SERAC1: variants seen among roughly 807,000 people sequenced by gnomAD.
SERAC1 encodes the protein protein SERAC1.
Under a neutral mutation model 85.7 loss-of-function variants are expected in SERAC1, and 36 were observed. That is an observed-to-expected ratio of 0.42 (90% CI 0.32 to 0.55). The LOEUF is 0.55. Among genes scored for constraint, SERAC1 ranks in the 20% least tolerant of loss-of-function variants. The pLI is 0.11. For missense variants in SERAC1, 629 were observed against 796.2 expected (o/e 0.79, Z 2.53); for synonymous variants, 242 against 265.3 (o/e 0.91, Z 0.85).
At chr6:158,124,791 A>C in intron 10 of SERAC1, among the ~76,000 whole-genome samples, 1 of 43,928 alleles carries the variant, frequency 2.3e-5, no homozygotes, top group Admixed American at 1.5e-4. Context: ...ACACACACAT[A>C]CACACTCAAC....
At chr6:158,124,748 A>AAC (rs201023302) in intron 10 of SERAC1, among the ~76,000 whole-genome samples, 3,517 of 131,418 alleles carry the variant, frequency 0.027, 55 homozygotes, top group African/African-American at 0.053. Flanking sequence ...AATGCTGGAA[A>AAC]ACACACACAC....
At chr6:158,133,648 G>A (rs1784731211) in intron 8 of SERAC1, among the ~76,000 whole-genome samples, 1 of 152,106 alleles carries the variant, frequency 6.6e-6, no homozygotes, top group African/African-American at 2.4e-5. Context: ...GCCTCCCAAA[G>A]TGCTGGGATT....
intron 15 of SERAC1, among the ~76,000 whole-genome samples, chr6:158,114,272 A>G (rs1418140463): frequency 6.6e-6 from 1 of 152,246 alleles, no homozygotes; most frequent in Non-Finnish European, 1.5e-5. Context: ...AGAAGAAATC[A>G]AGAGATTCTC....
rs114443105 is a variant in SERAC1 at position 158,146,829 on chromosome 6, G to A, written c.440C>T (p.Thr147Met). 1,336 of 1,613,934 alleles carry A rather than the reference G, an allele frequency of 8.3e-4. 7 individuals carry two copies. The African/African-American group carries it at 0.014, about 17-fold the overall frequency. The change falls in exon 6 of 17, where the codon ACG (threonine) becomes ATG (methionine). Residue 147 changes from threonine to methionine, a missense_variant. Thr to Met is a moderately conservative substitution (Grantham distance 81). Transcript: ENST00000647468. ...LRKSKSDDKTTRLEAVREMSE... is the reference protein window; with the variant it reads ...LRKSKSDDKTMRLEAVREMSE... Reference sequence around the variant, plus strand: ...CATTTCCCGCACAGCCTCGAGTCGCGTGGTTTTGTCATCTGACTTGCTCTT... The same window carrying A: ...CATTTCCCGCACAGCCTCGAGTCGCATGGTTTTGTCATCTGACTTGCTCTT...
chr6:158,116,194 T>C lies in SERAC1; in HGVS notation c.1492A>G (p.Ser498Gly). Reference sequence around the variant, plus strand: ...TTGAAGCCACACTTACCTCCCATGCTATGTGATATCCAAACCACTGGCCTA... The same window carrying C: ...TTGAAGCCACACTTACCTCCCATGCCATGTGATATCCAAACCACTGGCCTA... ...GDRPVVWISH[S>G]MGGLLVKKML... Residue 498 changes from serine (S) to glycine (G), a missense_variant, in exon 14 of 17, where the codon AGC becomes GGC. By Grantham distance (56) the Ser-to-Gly change is moderately conservative. Transcript: ENST00000647468. The C allele has an allele frequency of 6.2e-7, 1 of 1,613,916 alleles. No individual in the cohort carries two copies. Among genetic ancestry groups the C allele is most frequent in the Middle Eastern group, 1.6e-4 (1 of 6,062 alleles).
intron 3 of SERAC1, chr6:158,152,817 T>C (rs1180434201): frequency 1.3e-5 from 2 of 152,216 alleles, no homozygotes; most frequent in Non-Finnish European, 2.9e-5. Context: ...GGCTGTCCCA[T>C]ACAGCCTAGG....
At chr6:158,133,650 G>A (rs1351524142) in intron 8 of SERAC1, among the ~76,000 whole-genome samples, 1 of 152,090 alleles carries the variant, frequency 6.6e-6, no homozygotes, top group Non-Finnish European at 1.5e-5. Flanking sequence ...CTCCCAAAGT[G>A]CTGGGATTAC....
At chr6:158,144,764 C>T (rs1043311942) in intron 6 of SERAC1, among the ~76,000 whole-genome samples, 2 of 152,178 alleles carry the variant, frequency 1.3e-5, no homozygotes, top group African/African-American at 4.8e-5. Flanking sequence ...ACTCAAAACA[C>T]ATGAGGTGGC....
intron 1 of SERAC1, among the ~76,000 whole-genome samples, chr6:158,159,954 A>G (rs542540226): frequency 3.0e-4 from 45 of 152,346 alleles, no homozygotes; most frequent in Non-Finnish European, 6.2e-4. Flanking sequence ...AAAATTGTGA[A>G]GACTTGCTTT....
rs779015488 is a variant in SERAC1 at position 158,119,065 on chromosome 6, C to T, written c.1272G>A (p.Met424Ile). Residue 424 changes from methionine to isoleucine, a missense_variant, in exon 12 of 17, where the codon ATG becomes ATA. Coordinates refer to ENST00000647468, the MANE Select transcript of SERAC1 (RefSeq NM_032861.4). The surrounding 1 kb of genome is among the most constrained non-coding windows in gnomAD (Gnocchi z 4.5). ...ACGTCGTATATCTGTCTTCATCCTC[C>T]ATAGGTTTTTCAATTACAGCCTGCT... ...DSEQAVIEKP[M>I]EDEDRYTTCW... 3 of 1,613,800 alleles carry T rather than the reference C, an allele frequency of 1.9e-6. No individual in the cohort carries two copies. The highest frequency in any genetic ancestry group is 3.3e-5 in the Admixed American group (2 of 59,966).
chr6:158,152,675 T>A (rs552074606), intron 3 of SERAC1: 49 of 152,304 alleles, frequency 3.2e-4, no homozygotes, highest in African/African-American at 1.2e-3. Flanking sequence ...TGTACCATTT[T>A]AAAATTTTAT....
intron 5 of SERAC1, among the ~76,000 whole-genome samples, chr6:158,148,157 T>A (rs1426586763): frequency 6.6e-6 from 1 of 152,220 alleles, no homozygotes; most frequent in Non-Finnish European, 1.5e-5. Flanking sequence ...TCTTCCCACC[T>A]TTTATTTTCA....
chr6:158,129,169 A>C (rs932946110), intron 9 of SERAC1, among the ~76,000 whole-genome samples: 2 of 152,242 alleles, frequency 1.3e-5, no homozygotes, highest in Non-Finnish European at 2.9e-5. Context: ...CTGAAGATGC[A>C]GCTATTGCTT....
At chr6:158,114,418 A>G (rs1025417646) in intron 15 of SERAC1, 1 of 908,424 alleles carries the variant, frequency 1.1e-6, no homozygotes, top group Non-Finnish European at 1.3e-6. Context: ...TTTAAAATTA[A>G]TACTAACAAT....
At chr6:158,147,011 T>A in intron 5 of SERAC1, 98 bp from the exon 6 acceptor site, 1 of 1,265,808 alleles carries the variant, frequency 7.9e-7, no homozygotes. Context: ...AATCTACAAT[T>A]GGAGAGTTAA....
At chr6:158,131,305 TTATA>T (rs1784666545) in intron 8 of SERAC1, among the ~76,000 whole-genome samples, 1 of 147,394 alleles carries the variant, frequency 6.8e-6, no homozygotes, top group Non-Finnish European at 1.5e-5. Context: ...AAATTATATA[TTATA>T]TATTTATATA....
At position 158,119,044 on chromosome 6, in the gene SERAC1, C is replaced by A; in HGVS notation, c.1293G>T (p.Thr431=). 2 of 1,613,144 alleles carry A rather than the reference C, an allele frequency of 1.2e-6. No individual in the cohort carries two copies. The highest frequency in any genetic ancestry group is 1.7e-6 in the Non-Finnish European group (2 of 1,179,526). Residue 431 remains threonine, a synonymous_variant, in exon 12 of 17, where the codon ACG becomes ACT. Coordinates refer to ENST00000647468, the MANE Select transcript of SERAC1 (RefSeq NM_032861.4). The surrounding 1 kb of genome is among the most constrained non-coding windows in gnomAD (Gnocchi z 4.5). ...GCTCCCTTACCTTGGGCCAGCACGTCGTATATCTGTCTTCATCCTCCATAG... is the reference window on the plus strand; with the variant it reads ...GCTCCCTTACCTTGGGCCAGCACGTAGTATATCTGTCTTCATCCTCCATAG... ...EKPMEDEDRY[T]TCWPKTWLAK... is the part of the protein sequence containing the mutation.
In SERAC1 at chr6:158,111,340, A is replaced by G. The variant is rs375333121; in HGVS notation, c.*26T>C. ...ACCAAGTTTCTTGCACTGAATTCAC[A>G]TATGAAAACTGGAAGAGCACAACTG... On this transcript the variant is annotated 3_prime_UTR_variant, in exon 17 of 17. Transcript: ENST00000647468. 5.5e-5 allele frequency: 85 copies of G among 1,558,120 alleles called. No individual in the cohort carries two copies. The African/African-American group carries it at 9.2e-4, about 17-fold the overall frequency.
rs986934357 is a variant in SERAC1, at chr6:158,110,683, T to C, written c.*683A>G. ...GATCAATAATGGATTAGCTACTTTA[T>C]CCTTATCTAGGACAAATTCCAAGCA... On this transcript the variant is annotated 3_prime_UTR_variant, in exon 17 of 17. Transcript: ENST00000647468. 6.6e-6 allele frequency: 1 copy of C among 152,224 alleles called. No homozygotes were observed. Among genetic ancestry groups the C allele is most frequent in the African/African-American group, 2.4e-5 (1 of 41,466 alleles). The allele number at this position is 152,224 out of a possible 1,614,324, so 9.4% of individuals were successfully genotyped here. A position where few individuals can be genotyped will look rare whatever the true frequency, so the allele number is the denominator to read the frequency against.
Sources: allele counts gnomAD v4.1 joint callset (sites outside exome capture counted in the v4.1 genomes callset), GRCh38; gene constraint gnomAD v4.1.1; non-coding constraint Gnocchi (gnomAD v3.1); transcripts MANE v1.5; gene names NCBI Gene and HGNC (gene_info 2026-07-23, HGNC 2026-07-21).